The following CLIP4 variants were observed in gnomAD, a reference collection of about 807,000 sequenced individuals.
The protein encoded by CLIP4 is CAP-Gly domain-containing linker protein 4.
Under a neutral mutation model 73.1 loss-of-function variants are expected in CLIP4, and 47 were observed. The ratio of observed to expected loss-of-function variants is 0.64; its 90% CI spans 0.51 to 0.82. The LOEUF (loss-of-function observed/expected upper bound fraction) is 0.82, where lower values mean the gene tolerates loss of function less well. Among genes scored for constraint, CLIP4 ranks in the 40% least tolerant of loss-of-function variants. The pLI is 0.00. For synonymous variants in CLIP4, 306 were observed against 295.4 expected, an observed-to-expected ratio of 1.04 and a Z score of -0.37; for missense variants, 874 against 852.9, an observed-to-expected ratio of 1.02 and a Z score of -0.31.
chr2:29,130,672 A>G lies in CLIP4; in HGVS notation c.134-586A>G, dbSNP rs1664909757. On this transcript the variant is annotated intron_variant, in intron 2 of 15. Coordinates refer to ENST00000320081, the MANE Select transcript of CLIP4 (RefSeq NM_024692.6). ...ACGAATGTTATCACATTTCAGTTCA[A>G]TCTTTCTGATTCTCTTCTGATGGAC... 1.5e-5 allele frequency: 17 copies of G among 1,127,308 alleles called. No homozygotes were observed. In the South Asian group the frequency reaches 2.2e-4, roughly 15 times the overall value. 69.8% of individuals were successfully genotyped at this position (1,127,308 alleles called of 1,614,324 possible).
At chr2:29,148,745 A>G (rs1385206879) in intron 8 of CLIP4, among the ~76,000 whole-genome samples, 1 of 152,220 alleles carries the variant, frequency 6.6e-6, no homozygotes, top group African/African-American at 2.4e-5. Context: ...AGAGAGATTT[A>G]GTTCTCTACA....
chr2:29,114,322 A>G (rs1223659677), upstream of CLIP4: 1 of 152,206 alleles, frequency 6.6e-6, no homozygotes, highest in Non-Finnish European at 1.5e-5. Flanking sequence ...GGTGAGTGGG[A>G]TTGTGACCAG....
chr2:29,151,536 A>AAG (rs397783551), intron 8 of CLIP4, among the ~76,000 whole-genome samples: 1 of 151,938 alleles, frequency 6.6e-6, no homozygotes, highest in African/African-American at 2.4e-5. Context: ...AGTTTAAAAA[A>AAG]GATAAGAAAA....
upstream of CLIP4, chr2:29,115,163 C>A (rs1210295844): frequency 6.6e-6 from 1 of 152,316 alleles, no homozygotes; most frequent in Non-Finnish European, 1.5e-5. The surrounding 1 kb of genome is among the most constrained non-coding windows in gnomAD (Gnocchi z 5.1). Context: ...AGACTAGGTC[C>A]CCGGCCCCAG....
chr2:29,151,409 G>A (rs1426700452), intron 8 of CLIP4, among the ~76,000 whole-genome samples: 1 of 152,028 alleles, frequency 6.6e-6, no homozygotes, highest in Non-Finnish European at 1.5e-5. Flanking sequence ...TTATCACCAG[G>A]CTTGAGAGAG....
Position 29,181,700 on chromosome 2 carries a change from A to G in CLIP4, c.1925A>G (p.Tyr642Cys), listed in dbSNP as rs1162097422. ...TSSNEMGTVRYVGPTDFASGI... is the reference protein window; with the variant it reads ...TSSNEMGTVRCVGPTDFASGI... ...TCCAATGAGATGGGTACTGTTAGGTATGTGGGCCCCACTGACTTTGCTTCA... is the reference window on the plus strand; with the variant it reads ...TCCAATGAGATGGGTACTGTTAGGTGTGTGGGCCCCACTGACTTTGCTTCA... Residue 642 changes from tyrosine to cysteine, a missense_variant, in exon 16 of 16, where the codon TAT (tyrosine) becomes TGT (cysteine). Coordinates refer to ENST00000320081, the MANE Select transcript of CLIP4 (RefSeq NM_024692.6). 3.1e-6 allele frequency: 5 copies of G among 1,614,196 alleles called. No homozygotes were observed. The highest frequency in any genetic ancestry group is 1.6e-4 in the Middle Eastern group (1 of 6,062).
intron 15 of CLIP4, chr2:29,175,495 G>T (rs1668271060): frequency 6.6e-6 from 1 of 152,216 alleles, no homozygotes; most frequent in African/African-American, 2.4e-5. Context: ...ATTCTGAAGG[G>T]GGAGAGGTGT....
intron 8 of CLIP4, among the ~76,000 whole-genome samples, chr2:29,146,550 T>G (rs1666179386): frequency 6.6e-6 from 1 of 152,238 alleles, no homozygotes; most frequent in South Asian, 2.1e-4. Flanking sequence ...GATTTCAATT[T>G]GATTTTGTAG....
chr2:29,147,998 T>C (rs564088131), intron 8 of CLIP4, among the ~76,000 whole-genome samples: 7 of 152,324 alleles, frequency 4.6e-5, no homozygotes, highest in African/African-American at 1.7e-4. Flanking sequence ...ATCAGAATTA[T>C]GGAATCATTT....
intron 2 of CLIP4, among the ~76,000 whole-genome samples, chr2:29,122,435 G>T (rs934234921): frequency 2.6e-5 from 4 of 151,992 alleles, no homozygotes; most frequent in African/African-American, 9.7e-5. Flanking sequence ...CCTTAGGTAT[G>T]ATACTTGTCT....
chr2:29,111,715 T>C (rs1209801195), upstream of CLIP4, among the ~76,000 whole-genome samples: 2 of 152,260 alleles, frequency 1.3e-5, no homozygotes, highest in African/African-American at 4.8e-5. Context: ...GCACATGTTT[T>C]CTTCCAATTT....
intron 1 of CLIP4, among the ~76,000 whole-genome samples, chr2:29,100,451 A>G (rs1241285103): frequency 2.0e-5 from 3 of 152,108 alleles, no homozygotes; most frequent in African/African-American, 7.2e-5. Context: ...TACTGTTAAT[A>G]TCTTCCATTA....
chr2:29,151,412 TGAGA>T (rs150784503), intron 8 of CLIP4, among the ~76,000 whole-genome samples: 4 of 151,226 alleles, frequency 2.6e-5, no homozygotes, highest in African/African-American at 9.7e-5. Context: ...TCACCAGGCT[TGAGA>T]GAGAGAGAGA....
chr2:29,161,693 G>T (rs1558569118), intron 12 of CLIP4, among the ~76,000 whole-genome samples: 1 of 152,192 alleles, frequency 6.6e-6, no homozygotes. Context: ...CACCTGCACA[G>T]CCAGTGTTTT....
chr2:29,167,619 G>T (rs1314190368), intron 14 of CLIP4, 79 bp downstream of exon 14: 2 of 1,006,874 alleles, frequency 2.0e-6, no homozygotes, highest in South Asian at 1.7e-5. Context: ...ATGAGGTATT[G>T]TATACAAAAG....
At chr2:29,166,998 A>G (rs1208230247) in intron 13 of CLIP4, among the ~76,000 whole-genome samples, 4 of 152,198 alleles carry the variant, frequency 2.6e-5, no homozygotes, top group Admixed American at 2.0e-4. Context: ...GACCTTTATA[A>G]TTGTGGCTTA....
chr2:29,100,921 G>A (rs1392534630), intron 1 of CLIP4, among the ~76,000 whole-genome samples: 1 of 152,068 alleles, frequency 6.6e-6, no homozygotes, highest in Non-Finnish European at 1.5e-5. Flanking sequence ...TATTAGGAGA[G>A]TTGACTCACA....
chr2:29,129,190 T>C (rs1664807946), intron 2 of CLIP4, among the ~76,000 whole-genome samples: 1 of 152,176 alleles, frequency 6.6e-6, no homozygotes, highest in Admixed American at 6.5e-5. Flanking sequence ...TAACATGAGC[T>C]TATTTGACTA....
upstream of CLIP4, among the ~76,000 whole-genome samples, chr2:29,110,837 C>T (rs555355582): frequency 6.6e-5 from 10 of 152,208 alleles, no homozygotes; most frequent in African/African-American, 7.2e-5. Context: ...CACAGGTGCA[C>T]GCCACCATGC....
Sources: gnomAD v4.1 joint callset for allele counts (sites outside exome capture counted in the v4.1 genomes callset) on GRCh38, gnomAD v4.1.1 for gene constraint, Gnocchi (gnomAD v3.1) non-coding constraint, MANE v1.5 for transcripts, NCBI Gene and HGNC (gene_info 2026-07-23, HGNC 2026-07-21) for gene names.